Variants in KLHL5 observed in about 807,000 individuals in gnomAD.
The protein encoded by KLHL5 is kelch-like protein 5.
A neutral mutation model predicts 77.7 loss-of-function variants in KLHL5; 48 were observed. The observed-to-expected ratio is 0.62, with a 90% CI of 0.49 to 0.79. The LOEUF (loss-of-function observed/expected upper bound fraction) is 0.79, where lower values mean the gene tolerates loss of function less well. KLHL5 is among the 30% of genes least tolerant of loss of function. The pLI is 0.00. For missense variants in KLHL5, 723 were observed against 859.7 expected, an observed-to-expected ratio of 0.84 and a Z score of 1.99; for synonymous variants, 260 against 297.0, an observed-to-expected ratio of 0.88 and a Z score of 1.28.
intron 8 of KLHL5, chr4:39,112,762 A>C (rs1430904092): frequency 2.1e-5 from 9 of 419,622 alleles, no homozygotes; most frequent in African/African-American, 1.2e-4. Context: ...GACTTGTCAA[A>C]GAGATGGCAG....
intron 6 of KLHL5, 87 bp downstream of exon 6, chr4:39,096,965 G>C: frequency 1.8e-6 from 2 of 1,116,114 alleles, no homozygotes; most frequent in Non-Finnish European, 2.7e-6. Context: ...ACTCTTTGGA[G>C]AAATGGCTGG....
At chr4:39,105,428 C>T (rs968962057) in intron 7 of KLHL5, among the ~76,000 whole-genome samples, 7 of 151,880 alleles carry the variant, frequency 4.6e-5, no homozygotes, top group Non-Finnish European at 7.4e-5. Flanking sequence ...ATTATACTTG[C>T]GAGCCACTGC....
At chr4:39,097,550 A>C (rs898935325) in intron 6 of KLHL5, among the ~76,000 whole-genome samples, 1 of 152,244 alleles carries the variant, frequency 6.6e-6, no homozygotes, top group Non-Finnish European at 1.5e-5. Context: ...CCGCCCATCT[A>C]TGCCGTCCTT....
intron 5 of KLHL5, among the ~76,000 whole-genome samples, chr4:39,087,181 G>T (rs1720130626): frequency 6.6e-6 from 1 of 152,214 alleles, no homozygotes; most frequent in East Asian, 1.9e-4. Flanking sequence ...AAAGTGCTGG[G>T]ATTACAGGCA....
downstream of KLHL5, among the ~76,000 whole-genome samples, chr4:39,127,175 A>G (rs1046703050): frequency 3.9e-5 from 6 of 152,102 alleles, no homozygotes; most frequent in East Asian, 1.2e-3. Context: ...TGTCTGTACT[A>G]AAAATACTAA....
the KLHL5 span, chr4:39,135,587 T>C: frequency 6.6e-6 from 1 of 152,210 alleles, no homozygotes; most frequent in African/African-American, 2.4e-5. Context: ...AAGACTGGAT[T>C]TGTAGATGAG....
chr4:39,102,455 T>C (rs571212775), intron 6 of KLHL5, among the ~76,000 whole-genome samples: 32 of 151,610 alleles, frequency 2.1e-4, no homozygotes, highest in African/African-American at 7.7e-4. Context: ...CCTACCGTCA[T>C]AGTTCCCAAA....
chr4:39,063,087 A>T (rs576312981), intron 1 of KLHL5, 52 bp downstream of exon 1: 1 of 1,297,486 alleles, frequency 7.7e-7, no homozygotes, highest in Non-Finnish European at 1.1e-6. Context: ...TGGCTCTATA[A>T]TGTTTTTAAA....
At chr4:39,119,430 C>T (rs1347497536) in intron 10 of KLHL5, among the ~76,000 whole-genome samples, 1 of 152,000 alleles carries the variant, frequency 6.6e-6, no homozygotes, top group African/African-American at 2.4e-5. Context: ...TACTAAAATA[C>T]AAAAAATTAG....
chr4:39,113,166 A>ATGC lies in KLHL5; in HGVS notation c.1837_1839dup (p.Ala613dup). 6.2e-7 allele frequency: 1 copy of ATGC among 1,614,158 alleles called. No homozygotes were observed. The highest frequency in any genetic ancestry group is 8.5e-7 in the Non-Finnish European group (1 of 1,180,000). On this transcript the variant is annotated inframe_insertion, in exon 9 of 11. Transcript: ENST00000504108. ...GTGACGACCTGGAATGGACTGCTGT[A>ATGC]TGCTATAGGGGGGCACGATGCTCCC...
chr4:39,133,892 C>T, the KLHL5 span: 5 of 152,072 alleles, frequency 3.3e-5, no homozygotes, highest in African/African-American at 1.2e-4. Context: ...GCTGTGACAG[C>T]GACTATATCT....
chr4:39,125,964 G>A lies in KLHL5; in HGVS notation c.*4898G>A, dbSNP rs115698969. On this transcript the variant is annotated 3_prime_UTR_variant, in exon 11 of 11. Transcript: ENST00000504108. ...GCATCTGGAAGAGAAATTTTTCACT[G>A]TAATTTGCAAATAAATGAATTTCTA... Among the ~76,000 whole-genome samples the A allele has an allele frequency of 2.5e-3, 379 of 152,260 alleles. 2 individuals are homozygous for A. The highest frequency in any genetic ancestry group is 8.4e-3 in the African/African-American group (349 of 41,544).
Position 39,122,491 on chromosome 4 carries a change from T to C in KLHL5, c.*1425T>C, listed in dbSNP as rs1202406394. ...CACTCAGCAGTCTTCACTCTTACTA[T>C]TCCTGCCACTAGGTAGAAAAAGAAA... On this transcript the variant is annotated 3_prime_UTR_variant, in exon 11 of 11. Transcript: ENST00000504108. Among the ~76,000 whole-genome samples, 1 of 152,144 alleles carries C rather than the reference T, an allele frequency of 6.6e-6. No homozygotes were observed. Among genetic ancestry groups the C allele is most frequent in the Non-Finnish European group, 1.5e-5 (1 of 68,030 alleles).
At chr4:39,051,012 G>C (rs1560401122) in intron 1 of KLHL5, among the ~76,000 whole-genome samples, 1 of 152,104 alleles carries the variant, frequency 6.6e-6, no homozygotes, top group Non-Finnish European at 1.5e-5. Context: ...AGAGCTTCCT[G>C]GCTTCTCCTC....
intron 6 of KLHL5, among the ~76,000 whole-genome samples, chr4:39,100,608 A>G (rs1319082030): frequency 6.6e-6 from 1 of 152,232 alleles, no homozygotes; most frequent in Non-Finnish European, 1.5e-5. Flanking sequence ...AATTAGTGAT[A>G]AGATCAAGAT....
At chr4:39,127,414 C>T (rs748964475), downstream of KLHL5, among the ~76,000 whole-genome samples, 12 of 151,906 alleles carry the variant, frequency 7.9e-5, no homozygotes, top group Non-Finnish European at 1.5e-4. Context: ...ACAAAAAGGA[C>T]GTAGAGTAAA....
intron 6 of KLHL5, among the ~76,000 whole-genome samples, chr4:39,099,212 C>T (rs946393177): frequency 3.9e-5 from 6 of 152,036 alleles, no homozygotes; most frequent in South Asian, 2.1e-4. Flanking sequence ...CACTTGAACC[C>T]GGGAGGTGGA....
At chr4:39,096,195 G>A (rs963317069) in intron 5 of KLHL5, among the ~76,000 whole-genome samples, 2 of 148,496 alleles carry the variant, frequency 1.3e-5, no homozygotes, top group African/African-American at 2.6e-5. Context: ...GGATTTTAAT[G>A]TTTTTAGACC....
At chr4:39,139,577 G>A in the KLHL5 span, among the ~76,000 whole-genome samples, 1 of 152,128 alleles carries the variant, frequency 6.6e-6, no homozygotes, top group South Asian at 2.1e-4. Flanking sequence ...GGCCTCAGTT[G>A]TAACAAATGT....
Sources: allele counts gnomAD v4.1 joint callset (sites outside exome capture counted in the v4.1 genomes callset), GRCh38; gene constraint gnomAD v4.1.1; transcripts MANE v1.5; gene names NCBI Gene and HGNC (gene_info 2026-07-23, HGNC 2026-07-21).